NEBL: variants seen among roughly 807,000 people sequenced by gnomAD.
NEBL encodes nebulette, also known as LIM and SH3 protein 2.
A neutral mutation model predicts 140.2 loss-of-function variants in NEBL; 122 were observed. The observed-to-expected ratio is 0.87, with a 90% CI of 0.75 to 1.01. The LOEUF (loss-of-function observed/expected upper bound fraction) is 1.01. Among genes scored for constraint, NEBL ranks in the 50% least tolerant of loss-of-function variants. The pLI is 0.00. For synonymous variants in NEBL, 436 were observed against 398.9 expected (o/e 1.09, Z -1.11); for missense variants, 1,365 against 1,231.3 (o/e 1.11, Z -1.62).
At chr10:21,289,762 T>C (rs573121200) in intron 1 of NEBL, among the ~76,000 whole-genome samples, 1 of 152,324 alleles carries the variant, frequency 6.6e-6, no homozygotes, top group South Asian at 2.1e-4. Flanking sequence ...TATATTTTCC[T>C]TAGTTTAATT....
intron 4 of NEBL, among the ~76,000 whole-genome samples, chr10:20,908,580 A>G (rs1848197244): frequency 6.6e-6 from 1 of 152,216 alleles, no homozygotes; most frequent in Non-Finnish European, 1.5e-5. Flanking sequence ...TATGAGCAGT[A>G]GTGAGCTGGC....
chr10:20,938,009 C>T (rs1300626740), intron 4 of NEBL, among the ~76,000 whole-genome samples: 6 of 152,186 alleles, frequency 3.9e-5, no homozygotes, highest in Non-Finnish European at 8.8e-5. Flanking sequence ...CTCCACCTCT[C>T]GGGGCAGGGC....
intron 26 of NEBL, 81 bp downstream of exon 26, chr10:20,808,429 G>C (rs1837808932): frequency 7.0e-7 from 1 of 1,435,634 alleles, no homozygotes; most frequent in African/African-American, 1.4e-5. Flanking sequence ...TCATGCAAAA[G>C]TGAAAAGAAT....
rs566657367 is a variant in NEBL at position 21,083,928 on chromosome 10, C to T, written c.165-63727G>A. Among the ~76,000 whole-genome samples the T allele has an allele frequency of 2.8e-4, 42 of 152,314 alleles. No individual in the cohort carries two copies. The South Asian group carries it at 8.7e-3, about 32-fold the overall frequency. Reference sequence around the variant, plus strand: ...TACTCTGGCATCCTTCCAGAGGCAGCGTACCTTTTCTTACTGAAGAGCCTA... The same window carrying T: ...TACTCTGGCATCCTTCCAGAGGCAGTGTACCTTTTCTTACTGAAGAGCCTA... On this transcript the variant is annotated intron_variant, in intron 2 of 6. Coordinates refer to the NEBL transcript ENST00000417816.
At chr10:21,201,046 A>G (rs1589326568) in intron 3 of NEBL, among the ~76,000 whole-genome samples, 1 of 140,772 alleles carries the variant, frequency 7.1e-6, no homozygotes. Flanking sequence ...ACACCACTGC[A>G]CCCAGCCTGA....
At chr10:20,978,501 A>C (rs1836895439) in intron 3 of NEBL, among the ~76,000 whole-genome samples, 1 of 152,116 alleles carries the variant, frequency 6.6e-6, no homozygotes, top group Non-Finnish European at 1.5e-5. Flanking sequence ...TCACATCTGT[A>C]ATTTCAGTGC....
intron 2 of NEBL, among the ~76,000 whole-genome samples, chr10:21,111,916 A>C (rs1838030317): frequency 6.6e-6 from 1 of 152,220 alleles, no homozygotes; most frequent in South Asian, 2.1e-4. Context: ...CAACCCCATC[A>C]AAAAGTGGGA....
intron 16 of NEBL, among the ~76,000 whole-genome samples, chr10:20,829,982 A>C (rs1840251389): frequency 6.6e-6 from 1 of 152,218 alleles, no homozygotes; most frequent in Non-Finnish European, 1.5e-5. Context: ...CCACTGACTC[A>C]AATGTCTATT....
intron 3 of NEBL, among the ~76,000 whole-genome samples, chr10:20,964,546 CATT>C (rs755389641): frequency 2.7e-4 from 41 of 152,166 alleles, no homozygotes; most frequent in African/African-American, 7.0e-4. Context: ...CACGTGAACT[CATT>C]GTTGTGGGGA....
intron 2 of NEBL, among the ~76,000 whole-genome samples, chr10:21,037,504 G>A (rs149787587): frequency 2.3e-4 from 35 of 152,186 alleles, no homozygotes; most frequent in African/African-American, 8.2e-4. Context: ...AAAAATATAT[G>A]TGTTGAAATT....
At chr10:20,940,011 T>C (rs4311962) in intron 4 of NEBL, among the ~76,000 whole-genome samples, 110,898 of 148,004 alleles carry the variant, frequency 0.75, 41,963 homozygotes, top group African/African-American at 0.83. Context: ...CCACTGTCAA[T>C]ATTAGACAGA....
intron 10 of NEBL, among the ~76,000 whole-genome samples, chr10:20,851,579 G>A (rs1588800584): frequency 6.7e-6 from 1 of 150,324 alleles, no homozygotes; most frequent in African/African-American, 2.5e-5. Context: ...TTTGAGACCA[G>A]CCTGGCCAAT....
rs144218105 is a variant in NEBL, at chr10:21,077,903, C to T, written c.165-57702G>A. On this transcript the variant is annotated intron_variant, in intron 2 of 6. Coordinates refer to the NEBL transcript ENST00000417816. ...GGGCTTCCCACACTATTCATGACCA[C>T]GAGAAAGTACTTTAGCTCTTAGAAA... 2.8e-3 allele frequency among the ~76,000 whole-genome samples: 419 copies of T among 152,188 alleles called. 1 individual carries two copies. The highest frequency in any genetic ancestry group is 9.3e-3 in the African/African-American group (388 of 41,522).
At chr10:21,039,726 C>T (rs371942768) in intron 2 of NEBL, among the ~76,000 whole-genome samples, 5 of 152,240 alleles carry the variant, frequency 3.3e-5, no homozygotes, top group East Asian at 1.9e-4. Context: ...ATGCAAGCTT[C>T]GGAATAATAC....
At chr10:21,098,362 T>C (rs1837300996) in intron 2 of NEBL, among the ~76,000 whole-genome samples, 1 of 152,214 alleles carries the variant, frequency 6.6e-6, no homozygotes, top group African/African-American at 2.4e-5. Context: ...TTTGCAGCCC[T>C]ACAACTCTTC....
intron 3 of NEBL, among the ~76,000 whole-genome samples, chr10:21,186,746 T>C (rs1217605631): frequency 6.6e-6 from 1 of 152,006 alleles, no homozygotes; most frequent in African/African-American, 2.4e-5. Context: ...TCTTCCATTG[T>C]GGCCCAGGGA....
intron 3 of NEBL, among the ~76,000 whole-genome samples, chr10:20,988,191 C>T (rs1344593280): frequency 6.6e-6 from 1 of 152,160 alleles, no homozygotes; most frequent in African/African-American, 2.4e-5. Flanking sequence ...CAGAAAAACA[C>T]ATAACCATGC....
At chr10:21,216,144 G>A (rs773287468) in intron 3 of NEBL, among the ~76,000 whole-genome samples, 19 of 152,088 alleles carry the variant, frequency 1.2e-4, no homozygotes, top group African/African-American at 3.4e-4. Context: ...CCCATCCTAC[G>A]TGGGAAAGCC....
chr10:21,185,949 CCTG>C (rs1841462817), intron 3 of NEBL, among the ~76,000 whole-genome samples: 1 of 152,108 alleles, frequency 6.6e-6, no homozygotes, highest in Non-Finnish European at 1.5e-5. Context: ...CAGTTATATT[CCTG>C]CTGCTGCTTG....
Sources: allele counts gnomAD v4.1 joint callset (sites outside exome capture counted in the v4.1 genomes callset), GRCh38; gene constraint gnomAD v4.1.1; transcripts MANE v1.5; gene names NCBI Gene and HGNC (gene_info 2026-07-23, HGNC 2026-07-21).